HTR4: variants seen among roughly 807,000 people sequenced by gnomAD.
HTR4 encodes the protein 5-hydroxytryptamine (serotonin) receptor 4, G protein-coupled.
HTR4 carries 16 observed loss-of-function variants against 36.8 expected under a neutral mutation model. The observed-to-expected ratio is 0.43, with a 90% confidence interval of 0.29 to 0.66. The LOEUF (loss-of-function observed/expected upper bound fraction) is 0.66, where lower values mean the gene tolerates loss of function less well. HTR4 is among the 30% of genes least tolerant of loss of function. The pLI, the probability that HTR4 is intolerant of heterozygous loss-of-function variation, is 0.13. For synonymous variants in HTR4, 189 were observed against 185.1 expected, an observed-to-expected ratio of 1.02 and a Z score of -0.17; for missense variants, 438 against 490.9, an observed-to-expected ratio of 0.89 and a Z score of 1.02.
chr5:148,593,961 C>T (rs1761672388), intron 2 of HTR4, among the ~76,000 whole-genome samples: 2 of 152,140 alleles, frequency 1.3e-5, no homozygotes, highest in South Asian at 4.1e-4. Flanking sequence ...GAAAGCTTCT[C>T]AGCATGAATT....
intron 6 of HTR4, among the ~76,000 whole-genome samples, chr5:148,492,994 T>C (rs1412325829): frequency 6.6e-6 from 1 of 152,336 alleles, no homozygotes; most frequent in East Asian, 1.9e-4. Context: ...CACATTAGCC[T>C]AGAAGTGGGC....
intron 5 of HTR4, among the ~76,000 whole-genome samples, chr5:148,459,741 AC>A (rs1450725339): frequency 6.6e-6 from 1 of 152,188 alleles, no homozygotes; most frequent in Non-Finnish European, 1.5e-5. Context: ...ATGGCAAAAA[AC>A]AAAACCAAAC....
At chr5:148,466,856 TGTA>T (rs1755443162) in intron 5 of HTR4, among the ~76,000 whole-genome samples, 1 of 152,230 alleles carries the variant, frequency 6.6e-6, no homozygotes, top group African/African-American at 2.4e-5. Context: ...TGATTTGTCT[TGTA>T]TTTCATTAGC....
In HTR4 at chr5:148,600,993, A is replaced by AC. The variant is rs1283125164; in HGVS notation, c.26+35995_26+35996insG. On this transcript the variant is annotated intron_variant, in intron 2 of 6. Transcript: ENST00000377888. The stretch of plus-strand genomic sequence containing the variant: ...CTCAATAGCAAAAAAAAAAAAAAAA[A>AC]AAAAAAAAAACAAATAATGCAATTA... Among the ~76,000 whole-genome samples the AC allele has an allele frequency of 2.6e-4, 38 of 148,830 alleles. No individual in the cohort carries two copies. The East Asian group carries it at 7.0e-3, about 28-fold the overall frequency.
chr5:148,653,551 G>C (rs1250099552), intron 1 of HTR4, among the ~76,000 whole-genome samples: 2 of 152,080 alleles, frequency 1.3e-5, no homozygotes, highest in East Asian at 1.9e-4. Flanking sequence ...TCATGGCTAC[G>C]TATACACACA....
intron 2 of HTR4, among the ~76,000 whole-genome samples, chr5:148,566,591 A>G (rs1760450751): frequency 6.6e-6 from 1 of 152,194 alleles, no homozygotes; most frequent in Admixed American, 6.5e-5. Flanking sequence ...ACCCAGCTTG[A>G]GGAGCTCACA....
chr5:148,606,548 G>A (rs936186454), intron 2 of HTR4, among the ~76,000 whole-genome samples: 4 of 152,062 alleles, frequency 2.6e-5, no homozygotes, highest in African/African-American at 4.8e-5. Context: ...CCTTAGATGA[G>A]GTAATAGTGC....
At chr5:148,617,468 GTTTTTTTTT>G (rs761032074) in intron 2 of HTR4, among the ~76,000 whole-genome samples, 3 of 134,228 alleles carry the variant, frequency 2.2e-5, no homozygotes, top group African/African-American at 7.6e-5. Flanking sequence ...TCTCTCTTTT[GTTTTTTTTT>G]GTTTTTTTTG....
At chr5:148,466,461 C>T (rs190889513) in intron 5 of HTR4, among the ~76,000 whole-genome samples, 15 of 152,274 alleles carry the variant, frequency 9.9e-5, no homozygotes, top group South Asian at 4.1e-4. Context: ...TGAAATAGCA[C>T]GTTTTCAGAT....
intron 5 of HTR4, among the ~76,000 whole-genome samples, chr5:148,462,820 T>C (rs1378019013): frequency 1.3e-5 from 2 of 152,144 alleles, no homozygotes; most frequent in African/African-American, 4.8e-5. Context: ...CCCAACTAAG[T>C]GGAATTTATC....
chr5:148,494,687 A>C (rs1382465860), intron 6 of HTR4, among the ~76,000 whole-genome samples: 1 of 152,238 alleles, frequency 6.6e-6, no homozygotes, highest in East Asian at 1.9e-4. Flanking sequence ...GAGAAGGCAC[A>C]TATAGCTCTG....
intron 6 of HTR4, among the ~76,000 whole-genome samples, chr5:148,507,277 A>G (rs1277672315): frequency 2.0e-5 from 3 of 151,044 alleles, no homozygotes; most frequent in Non-Finnish European, 4.4e-5. Flanking sequence ...CGCAAGGAGA[A>G]AAAACCAAAC....
chr5:148,510,007 G>C lies in HTR4; in HGVS notation c.525C>G (p.Phe175Leu), dbSNP rs1757421549. 3.1e-6 allele frequency: 5 copies of C among 1,611,230 alleles called. No homozygotes were observed. The highest frequency in any genetic ancestry group is 4.2e-6 in the Non-Finnish European group (5 of 1,178,246). ...AGTACGTAGAGTTAGAGTTCTGGTT[G>C]AACTTCCTCTTTTCTATCTGAGAGT... The part of the protein sequence containing the change: ...GIIDLIEKRK[F>L]NQNSNSTYCV... The change falls in exon 6 of 7, where the codon TTC becomes TTG. Residue 175 changes from phenylalanine (F) to leucine (L), a missense_variant. Coordinates refer to ENST00000377888, the MANE Select transcript of HTR4 (RefSeq NM_000870.7).
chr5:148,486,168 A>T (rs1013709846), intron 6 of HTR4, among the ~76,000 whole-genome samples: 2 of 152,200 alleles, frequency 1.3e-5, no homozygotes, highest in African/African-American at 4.8e-5. Flanking sequence ...ATAATGACAG[A>T]GTGATCTTAT....
chr5:148,546,591 C>T (rs1440635491), intron 4 of HTR4, among the ~76,000 whole-genome samples: 1 of 152,156 alleles, frequency 6.6e-6, no homozygotes, highest in Non-Finnish European at 1.5e-5. Flanking sequence ...CAGGGCTGCC[C>T]ACAGCAAACT....
intron 1 of HTR4, among the ~76,000 whole-genome samples, chr5:148,638,497 T>C (rs1341840460): frequency 6.6e-6 from 1 of 152,184 alleles, no homozygotes; most frequent in Non-Finnish European, 1.5e-5. Context: ...ATTACAATAC[T>C]ATTCACTGTA....
At chr5:148,640,883 A>G (rs926021822) in intron 1 of HTR4, among the ~76,000 whole-genome samples, 2 of 152,234 alleles carry the variant, frequency 1.3e-5, no homozygotes, top group African/African-American at 4.8e-5. Context: ...TATTCATAGC[A>G]TATAGATTGT....
intron 2 of HTR4, among the ~76,000 whole-genome samples, chr5:148,566,893 A>ATT (rs879581561): frequency 1.4e-5 from 2 of 146,370 alleles, no homozygotes; most frequent in South Asian, 2.1e-4. Flanking sequence ...TTATTTCTTC[A>ATT]TTTTTTTTTT....
downstream of HTR4, among the ~76,000 whole-genome samples, chr5:148,478,860 C>T (rs1755787983): frequency 6.6e-6 from 1 of 152,134 alleles, no homozygotes; most frequent in African/African-American, 2.4e-5. Flanking sequence ...TTACTCTGGA[C>T]ATTACTCTGT....
Sources: allele counts gnomAD v4.1 joint callset (sites outside exome capture counted in the v4.1 genomes callset), GRCh38; gene constraint gnomAD v4.1.1; transcripts MANE v1.5; gene names NCBI Gene and HGNC (gene_info 2026-07-23, HGNC 2026-07-21).